PTGER2: variants seen among roughly 807,000 people sequenced by gnomAD.
PTGER2 encodes the protein prostaglandin E2 receptor EP2 subtype.
A neutral mutation model predicts 26.2 loss-of-function variants in PTGER2; 22 were observed. The observed-to-expected ratio is 0.84, with a 90% CI of 0.60 to 1.20. PTGER2 has a LOEUF of 1.20. Among genes scored for constraint, PTGER2 ranks in the 50% most tolerant of loss-of-function variants. The probability of loss-of-function intolerance (pLI) is 0.00; values close to 1 mark genes in which losing one functional copy is unlikely to be tolerated. For missense variants in PTGER2, 458 were observed against 475.2 expected (o/e 0.96, Z 0.34); for synonymous variants, 219 against 208.9 (o/e 1.05, Z -0.42).
In PTGER2 at chr14:52,319,578, G is replaced by A. The variant is rs188295907; in HGVS notation, c.843+4187G>A. 1.4e-4 allele frequency among the ~76,000 whole-genome samples: 21 copies of A among 152,182 alleles called. No individual in the cohort carries two copies. In the East Asian group the frequency reaches 2.3e-3, roughly 17 times the overall value. ...CCTTATGTTAATCAGCTTTGCCATC[G>A]TTTTACAGAGATAAATAGAAACTTT... On this transcript the variant is annotated intron_variant, in intron 1 of 1. Transcript: ENST00000245457.
intron 1 of PTGER2, among the ~76,000 whole-genome samples, chr14:52,325,430 A>G (rs1450735657): frequency 1.3e-5 from 2 of 152,212 alleles, no homozygotes; most frequent in Non-Finnish European, 1.5e-5. Flanking sequence ...CAGTGTGAAT[A>G]TGTTCTCTGG....
At chr14:52,323,247 G>A (rs1185797236) in intron 1 of PTGER2, among the ~76,000 whole-genome samples, 1 of 151,412 alleles carries the variant, frequency 6.6e-6, no homozygotes, top group African/African-American at 2.4e-5. Flanking sequence ...GTATGTATGT[G>A]TGTATGTATG....
chr14:52,320,323 T>C (rs1456739793), intron 1 of PTGER2, among the ~76,000 whole-genome samples: 1 of 152,206 alleles, frequency 6.6e-6, no homozygotes, highest in Non-Finnish European at 1.5e-5. Flanking sequence ...ACACTGGTTT[T>C]AAAAATGTAA....
rs947375647 is a variant in PTGER2 at position 52,328,166 on chromosome 14, A to G, written c.*712A>G. On this transcript the variant is annotated 3_prime_UTR_variant, in exon 2 of 2. Coordinates refer to ENST00000245457, the MANE Select transcript of PTGER2 (RefSeq NM_000956.4). Reference sequence around the variant, plus strand: ...GAAGACTTTAGGAATGGTTCTCTCAACAAGAAATAATAGAAATGTCTCAAG... The same window carrying G: ...GAAGACTTTAGGAATGGTTCTCTCAGCAAGAAATAATAGAAATGTCTCAAG... 1.3e-5 allele frequency: 2 copies of G among 152,670 alleles called. No homozygotes were observed. The highest frequency in any genetic ancestry group is 1.5e-5 in the Non-Finnish European group (1 of 68,034). The allele number at this position is 152,670 out of a possible 1,614,324, so 9.5% of individuals were successfully genotyped here.
chr14:52,319,618 A>C (rs2033875482), intron 1 of PTGER2, among the ~76,000 whole-genome samples: 1 of 152,224 alleles, frequency 6.6e-6, no homozygotes, highest in South Asian at 2.1e-4. Flanking sequence ...CTGAAATGGA[A>C]CAGAACACAG....
intron 1 of PTGER2, 116 bp from the exon 2 acceptor site, chr14:52,327,105 A>T: frequency 2.8e-6 from 2 of 721,862 alleles, no homozygotes; most frequent in East Asian, 5.4e-5. Flanking sequence ...GTTCCCCACC[A>T]CTACCACAGA....
intron 1 of PTGER2, among the ~76,000 whole-genome samples, chr14:52,320,406 C>T (rs1247405803): frequency 2.0e-5 from 3 of 152,210 alleles, no homozygotes. Flanking sequence ...CAAGTGGGTC[C>T]TCACTGCTAT....
chr14:52,317,059 G>T (rs923400135), intron 1 of PTGER2, among the ~76,000 whole-genome samples: 1 of 152,200 alleles, frequency 6.6e-6, no homozygotes, highest in Non-Finnish European at 1.5e-5. Flanking sequence ...ATATATCTAT[G>T]AAAGAAAGCA....
chr14:52,314,494 C>T lies in PTGER2; in HGVS notation c.-55C>T, dbSNP rs1206240464. ...AACGCTCCGGCTCTCAGACCCTCTT[C>T]CTCCCAGGTAAAGGCCGGGAGAGGA... is the stretch of plus-strand genomic sequence containing the variant. On this transcript the variant is annotated 5_prime_UTR_variant, in exon 1 of 2. Transcript: ENST00000245457. This position sits in a 1 kb window ranked among gnomAD's most constrained non-coding sequence, Gnocchi z 5.7. 4.2e-6 allele frequency: 6 copies of T among 1,427,558 alleles called. No individual in the cohort carries two copies. The highest frequency in any genetic ancestry group is 4.6e-6 in the Non-Finnish European group (5 of 1,089,796). 88.4% of individuals were successfully genotyped at this position (1,427,558 alleles called of 1,614,324 possible). A position where few individuals can be genotyped will look rare whatever the true frequency, so the allele number is the denominator to read the frequency against.
Position 52,314,372 on chromosome 14 carries a change from G to A in PTGER2, c.-177G>A. On this transcript the variant is annotated 5_prime_UTR_variant, in exon 1 of 2. Transcript: ENST00000245457. The surrounding 1 kb of genome is among the most constrained non-coding windows in gnomAD (Gnocchi z 5.7). ...TGCAGCAGCCGAGCCGCCACTCGGC[G>A]CGCGGCGGGAGACCCAGGGCAAGCC... 1 of 686,210 alleles carries A rather than the reference G, an allele frequency of 1.5e-6. No homozygotes were observed. The highest frequency in any genetic ancestry group is 2.0e-6 in the Non-Finnish European group (1 of 490,698). The allele number at this position is 686,210 out of a possible 1,614,324, so 42.5% of individuals were successfully genotyped here. A position where few individuals can be genotyped will look rare whatever the true frequency, so the allele number is the denominator to read the frequency against.
At chr14:52,317,579 G>C (rs1327916366) in intron 1 of PTGER2, among the ~76,000 whole-genome samples, 1 of 152,220 alleles carries the variant, frequency 6.6e-6, no homozygotes, top group Admixed American at 6.5e-5. Context: ...CTGGCTAAAA[G>C]GTGTTGAGGG....
rs548212953 is a variant in PTGER2 at position 52,325,499 on chromosome 14, T to C, written c.844-1722T>C. On this transcript the variant is annotated intron_variant, in intron 1 of 1. Coordinates refer to ENST00000245457, the MANE Select transcript of PTGER2 (RefSeq NM_000956.4). ...TTCTACAGGAGTGCTCAGTTATGCATCATGTGCACACGTGTGTGTGCATAT... is the reference window on the plus strand; with the variant it reads ...TTCTACAGGAGTGCTCAGTTATGCACCATGTGCACACGTGTGTGTGCATAT... Among the ~76,000 whole-genome samples, 12 of 152,338 alleles carry C rather than the reference T, an allele frequency of 7.9e-5. 1 individual carries two copies. The South Asian group carries it at 2.5e-3, about 32-fold the overall frequency.
At position 52,315,326 on chromosome 14, in the gene PTGER2, A is replaced by G. The variant is rs1594635442; in HGVS notation, c.778A>G (p.Thr260Ala). ...GGAAAGGGTGTCCATGGCGGAGGAGACGGACCACCTCATTCTCCTGGCTAT... is the reference window on the plus strand; with the variant it reads ...GGAAAGGGTGTCCATGGCGGAGGAGGCGGACCACCTCATTCTCCTGGCTAT... ...RGERVSMAEE[T>A]DHLILLAIMT... The change falls in exon 1 of 2, where the codon ACG becomes GCG. Residue 260 changes from threonine to alanine, a missense_variant. Physicochemically the swap from Thr to Ala is moderately conservative, Grantham distance 58 (BLOSUM62 0). Transcript: ENST00000245457. 6.2e-7 allele frequency: 1 copy of G among 1,612,276 alleles called. No homozygotes were observed.
Position 52,315,066 on chromosome 14 carries a change from T to C in PTGER2, c.518T>C (p.Leu173Pro). ...VSLLFCSLPLLDYGQYVQYCP... is the reference protein window; with the variant it reads ...VSLLFCSLPLPDYGQYVQYCP... ...CTGCTCTTCTGCTCGCTGCCGCTGC[T>C]GGACTATGGGCAGTACGTCCAGTAC... The change falls in exon 1 of 2, where the codon CTG becomes CCG. Residue 173 changes from leucine (L) to proline (P), a missense_variant. Leu to Pro is a moderately conservative substitution (Grantham distance 98). Coordinates refer to ENST00000245457, the MANE Select transcript of PTGER2 (RefSeq NM_000956.4). 6.2e-7 allele frequency: 1 copy of C among 1,612,364 alleles called. No individual in the cohort carries two copies.
intron 1 of PTGER2, among the ~76,000 whole-genome samples, chr14:52,319,919 A>G (rs1221183908): frequency 6.6e-6 from 1 of 152,234 alleles, no homozygotes; most frequent in East Asian, 1.9e-4. Context: ...AATACAAAAC[A>G]AACTCCAGTA....
Position 52,314,337 on chromosome 14 carries a change from G to A in PTGER2, c.-212G>A, listed in dbSNP as rs1031494669. On this transcript the variant is annotated 5_prime_UTR_variant, in exon 1 of 2. Coordinates refer to ENST00000245457, the MANE Select transcript of PTGER2 (RefSeq NM_000956.4). This position sits in a 1 kb window ranked among gnomAD's most constrained non-coding sequence, Gnocchi z 5.7. ...GCGGGTAGGCGCGGGAGCCTCGAGC[G>A]CCGCTCGGATGCAGCAGCCGAGCCG... The A allele has an allele frequency of 2.2e-6, 1 of 456,826 alleles. No individual in the cohort carries two copies. Among genetic ancestry groups the A allele is most frequent in the Non-Finnish European group, 3.5e-6 (1 of 289,750 alleles). 28.3% of individuals were successfully genotyped at this position (456,826 alleles called of 1,614,324 possible). A position where few individuals can be genotyped will look rare whatever the true frequency, so the allele number is the denominator to read the frequency against.
At chr14:52,321,320 C>G (rs1254594) in intron 1 of PTGER2, among the ~76,000 whole-genome samples, 117,618 of 152,078 alleles carry the variant, frequency 0.77, 46,542 homozygotes, top group Non-Finnish European at 0.87. Flanking sequence ...TAGTGTCTTT[C>G]AGAAGGCAGG....
chr14:52,322,569 C>T (rs1378225057), intron 1 of PTGER2, among the ~76,000 whole-genome samples: 1 of 152,082 alleles, frequency 6.6e-6, no homozygotes, highest in Non-Finnish European at 1.5e-5. Context: ...AGCAGAGAAC[C>T]AGTCTGACCT....
At chr14:52,323,817 C>T (rs12587410) in intron 1 of PTGER2, among the ~76,000 whole-genome samples, 11,181 of 152,214 alleles carry the variant, frequency 0.073, 576 homozygotes, top group East Asian at 0.16. Flanking sequence ...GTAGAGACAG[C>T]CTGCCCTGAG....
Sources: gnomAD v4.1 joint callset for allele counts (sites outside exome capture counted in the v4.1 genomes callset) on GRCh38, gnomAD v4.1.1 for gene constraint, Gnocchi (gnomAD v3.1) non-coding constraint, MANE v1.5 for transcripts, NCBI Gene and HGNC (gene_info 2026-07-23, HGNC 2026-07-21) for gene names.